The following MATK variants were observed in gnomAD, a reference collection of about 807,000 sequenced individuals.
MATK encodes megakaryocyte-associated tyrosine-protein kinase.
MATK carries 41 observed loss-of-function variants against 59.8 expected under a neutral mutation model. That is an observed-to-expected ratio of 0.69 (90% CI 0.53 to 0.89). The LOEUF is 0.89. Ranked by LOEUF, MATK falls within the 40% of genes least tolerant of loss-of-function variation. MATK has a pLI of 0.00. For missense variants in MATK, 593 were observed against 719.6 expected (o/e 0.82, Z 2.01); for synonymous variants, 308 against 306.1 (o/e 1.01, Z -0.06).
In MATK at chr19:3,778,581, C is replaced by T; in HGVS notation, c.1212G>A (p.Lys404=). ...GCACCCCAAAACTCCAGACATCCGA[C>T]TTGCTGGTGAACTTCTGTGGGGCCC... The part of the protein sequence containing the change: ...EALKHGKFTS[K]SDVWSFGVLL... Residue 404 remains lysine, a synonymous_variant, in exon 13 of 14, where the codon AAG becomes AAA. Coordinates refer to ENST00000310132, the MANE Select transcript of MATK (RefSeq NM_139355.3). 6.2e-7 allele frequency: 1 copy of T among 1,612,958 alleles called. No individual in the cohort carries two copies. The highest frequency in any genetic ancestry group is 8.5e-7 in the Non-Finnish European group (1 of 1,179,518).
At chr19:3,793,595 G>A (rs957091649) in intron 1 of MATK, among the ~76,000 whole-genome samples, 2 of 152,008 alleles carry the variant, frequency 1.3e-5, no homozygotes, top group African/African-American at 4.8e-5. Flanking sequence ...CCAGCTACTC[G>A]GGAGGCTGAG....
At chr19:3,779,283 G>T in intron 11 of MATK, 95 bp downstream of exon 11, 1 of 1,559,152 alleles carries the variant, frequency 6.4e-7, no homozygotes, top group Non-Finnish European at 8.8e-7. Flanking sequence ...AGCTCACAAA[G>T]CCTCCCTGCC....
At position 3,782,970 on chromosome 19, in the gene MATK, G is replaced by A. The variant is rs569237500; in HGVS notation, c.676+156C>T. On this transcript the variant is annotated intron_variant, in intron 7 of 13. Coordinates refer to ENST00000310132, the MANE Select transcript of MATK (RefSeq NM_139355.3). ...ATAAAGGACTGATCTGTGTCTGTGGGCACCCCCGAGGCAGCCCAGGTCTTC... is the reference window on the plus strand; with the variant it reads ...ATAAAGGACTGATCTGTGTCTGTGGACACCCCCGAGGCAGCCCAGGTCTTC... 1.8e-4 allele frequency: 111 copies of A among 633,234 alleles called. No individual in the cohort carries two copies. The African/African-American group carries it at 1.9e-3, about 11-fold the overall frequency. 39.2% of individuals were successfully genotyped at this position (633,234 alleles called of 1,614,324 possible).
chr19:3,778,508 C>G lies in MATK; in HGVS notation c.1284+1G>C. ...AGTGCCTCCCTGGGACCCCCGCTCA[C>G]CATTTTAGGGTACGGAGCCCGTCCA... On this transcript the variant is annotated splice_donor_variant, in intron 13 of 13. Transcript: ENST00000310132. LOFTEE classifies it high-confidence loss of function. 1 of 1,613,950 alleles carries G rather than the reference C, an allele frequency of 6.2e-7. No homozygotes were observed. Among genetic ancestry groups the G allele is most frequent in the East Asian group, 2.2e-5 (1 of 44,878 alleles).
chr19:3,783,743 C>A, intron 6 of MATK, 71 bp downstream of exon 6: 4 of 1,430,388 alleles, frequency 2.8e-6, no homozygotes, highest in East Asian at 2.3e-5. Flanking sequence ...TCTATCTCTA[C>A]GTAGGGGAGT....
chr19:3,793,032 A>C (rs1204211745), intron 1 of MATK: 1 of 152,230 alleles, frequency 6.6e-6, no homozygotes, highest in South Asian at 2.1e-4. Context: ...GATTGAGGGG[A>C]GGAACGCTGG....
chr19:3,779,215 T>G (rs2037362164), intron 11 of MATK, 28 bp from the exon 12 acceptor site: 3 of 1,557,510 alleles, frequency 1.9e-6, no homozygotes, highest in Non-Finnish European at 2.6e-6. Flanking sequence ...CAGTGGGGGC[T>G]CAGGTGCCAG....
intron 1 of MATK, among the ~76,000 whole-genome samples, chr19:3,795,839 G>A (rs1301570581): frequency 3.1e-5 from 4 of 131,090 alleles, no homozygotes; most frequent in Non-Finnish European, 6.1e-5. Flanking sequence ...TTGGCTCACT[G>A]CATCCTCCGC....
chr19:3,787,497 T>C (rs1471253774), upstream of MATK: 1 of 152,096 alleles, frequency 6.6e-6, no homozygotes, highest in Non-Finnish European at 1.5e-5. Context: ...TTCCTCACCC[T>C]CCTGAGTAGC....
upstream of MATK, chr19:3,787,730 A>G (rs2145107192): frequency 6.6e-6 from 1 of 152,086 alleles, no homozygotes; most frequent in South Asian, 2.1e-4. Flanking sequence ...AACAAAGATG[A>G]AGTTCATCTT....
chr19:3,784,184 G>T lies in MATK; in HGVS notation c.302C>A (p.Ala101Glu). Residue 101 changes from alanine to glutamate, a missense_variant, in exon 5 of 14, where the codon GCA (alanine) becomes GAA (glutamate). Ala to Glu is a moderately radical substitution (Grantham distance 107). Coordinates refer to ENST00000310132, the MANE Select transcript of MATK (RefSeq NM_139355.3). ...CTCCCGCTCCCGCAGCGCCCCAGCT[G>T]CCAGCAGCCCCTCCTGTCCACTGGT... ...HHTSGQEGLL[A>E]AGALREREAL... The T allele has an allele frequency of 6.2e-7, 1 of 1,613,576 alleles. No individual in the cohort carries two copies. Among genetic ancestry groups the T allele is most frequent in the Non-Finnish European group, 8.5e-7 (1 of 1,179,812 alleles).
upstream of MATK, chr19:3,786,527 A>ACCCCCCC (rs3833281): frequency 7.5e-5 from 26 of 344,606 alleles, no homozygotes; most frequent in Admixed American, 1.4e-4. The surrounding 1 kb of genome is among the most constrained non-coding windows in gnomAD (Gnocchi z 4.1). Context: ...TCGGGCGTGC[A>ACCCCCCC]CCCCCCACCC....
At chr19:3,783,425 C>G in intron 6 of MATK, 1 of 604,374 alleles carries the variant, frequency 1.7e-6, no homozygotes, top group South Asian at 2.0e-5. Context: ...TGGGGGGTCC[C>G]CAGAGGAGTC....
chr19:3,793,098 G>C (rs975039923), intron 1 of MATK: 1 of 152,230 alleles, frequency 6.6e-6, no homozygotes, highest in African/African-American at 2.4e-5. Context: ...CTGTCTGCCC[G>C]GCCATTCTCG....
At position 3,781,690 on chromosome 19, in the gene MATK, A is replaced by G; in HGVS notation, c.677-18T>C. The stretch of plus-strand genomic sequence containing the variant: ...CCAGCCCGCTGTGGAGTGAAGACCC[A>G]GTCAGAGGGGTAATGGGCCCCCTAA... On this transcript the variant is annotated intron_variant, in intron 7 of 13. Coordinates refer to ENST00000310132, the MANE Select transcript of MATK (RefSeq NM_139355.3). The G allele has an allele frequency of 1.9e-6, 3 of 1,609,020 alleles. No individual in the cohort carries two copies. The highest frequency in any genetic ancestry group is 2.5e-6 in the Non-Finnish European group (3 of 1,177,202).
intron 3 of MATK, 116 bp downstream of exon 3, chr19:3,784,709 G>A: frequency 1.3e-6 from 1 of 777,746 alleles, no homozygotes; most frequent in Non-Finnish European, 2.3e-6. Context: ...GCCAGGCCGA[G>A]GCCAGCAGAA....
intron 6 of MATK, 143 bp from the exon 7 acceptor site, chr19:3,783,362 G>A (rs1431663316): frequency 4.4e-6 from 3 of 675,772 alleles, no homozygotes; most frequent in East Asian, 2.7e-5. Context: ...CGGGAAAGGA[G>A]GCAAGCCAAA....
chr19:3,781,068 A>C (rs2037394734), intron 8 of MATK, among the ~76,000 whole-genome samples: 1 of 152,210 alleles, frequency 6.6e-6, no homozygotes, highest in South Asian at 2.1e-4. Context: ...ACAAATCAAA[A>C]GATGAGTGCT....
At chr19:3,794,868 A>G (rs1011812962) in intron 1 of MATK, among the ~76,000 whole-genome samples, 2 of 152,086 alleles carry the variant, frequency 1.3e-5, no homozygotes, top group African/African-American at 4.8e-5. Flanking sequence ...CTGCCATTTC[A>G]GGGACACCAT....
Sources: gnomAD v4.1 joint callset for allele counts (sites outside exome capture counted in the v4.1 genomes callset) on GRCh38, gnomAD v4.1.1 for gene constraint, Gnocchi (gnomAD v3.1) non-coding constraint, MANE v1.5 for transcripts, NCBI Gene and HGNC (gene_info 2026-07-23, HGNC 2026-07-21) for gene names.